PKHD1L1: variants seen among roughly 807,000 people sequenced by gnomAD.
PKHD1L1 encodes PKHD1 like 1.
A neutral mutation model predicts 462.9 loss-of-function variants in PKHD1L1; 434 were observed. That is an observed-to-expected ratio of 0.94 (90% CI 0.87 to 1.02). The LOEUF (loss-of-function observed/expected upper bound fraction) is 1.02, where lower values mean the gene tolerates loss of function less well. Ranked by LOEUF, PKHD1L1 falls within the 50% of genes least tolerant of loss-of-function variation. The pLI is 0.00. For missense variants in PKHD1L1, 5,202 were observed against 5,096.1 expected (o/e 1.02, Z -0.63); for synonymous variants, 1,781 against 1,750.0 (o/e 1.02, Z -0.44).
Position 109,530,002 on chromosome 8 carries a change from A to T in PKHD1L1, c.12722-78A>T. 3.3e-6 allele frequency: 3 copies of T among 910,016 alleles called. No homozygotes were observed. In the South Asian group the frequency reaches 8.6e-5, roughly 26 times the overall value. 56.4% of individuals were successfully genotyped at this position (910,016 alleles called of 1,614,324 possible). A position where few individuals can be genotyped will look rare whatever the true frequency, so the allele number is the denominator to read the frequency against. ...GTACCATAAAAATGAGAAAAGTTAA[A>T]ATTAATGAAATATATTTTAAATTAT... On this transcript the variant is annotated intron_variant, in intron 77 of 77. Transcript: ENST00000378402.
At chr8:109,399,368 C>G (rs1258741339) in intron 12 of PKHD1L1, among the ~76,000 whole-genome samples, 1 of 151,768 alleles carries the variant, frequency 6.6e-6, no homozygotes, top group East Asian at 1.9e-4. Flanking sequence ...TACAGAAAAG[C>G]TTAAGGCTGC....
intron 9 of PKHD1L1, among the ~76,000 whole-genome samples, chr8:109,391,858 AG>A (rs2130486736): frequency 6.6e-6 from 1 of 152,304 alleles, no homozygotes; most frequent in East Asian, 1.9e-4. Context: ...TTGTATTTAG[AG>A]ATCATCTACT....
intron 21 of PKHD1L1, among the ~76,000 whole-genome samples, chr8:109,413,877 G>T (rs937015006): frequency 6.6e-6 from 1 of 151,990 alleles, no homozygotes; most frequent in East Asian, 1.9e-4. Context: ...ATGCTGGAAG[G>T]TAGAAAGAGA....
intron 62 of PKHD1L1, among the ~76,000 whole-genome samples, chr8:109,492,969 A>G (rs1380870412): frequency 6.6e-6 from 1 of 151,726 alleles, no homozygotes; most frequent in Admixed American, 6.6e-5. Flanking sequence ...AAACTAGTCA[A>G]TGTCTCCACT....
chr8:109,483,877 A>G (rs1818394926), intron 57 of PKHD1L1, among the ~76,000 whole-genome samples: 1 of 151,842 alleles, frequency 6.6e-6, no homozygotes, highest in Admixed American at 6.6e-5. Context: ...AATAAAGTAT[A>G]AATGGTAGCA....
rs762138522 is a variant in PKHD1L1 at position 109,491,886 on chromosome 8, G to A, written c.10128G>A (p.Trp3376Ter). 3 of 1,602,678 alleles carry A rather than the reference G, an allele frequency of 1.9e-6. No homozygotes were observed. Among genetic ancestry groups the A allele is most frequent in the Middle Eastern group, 1.7e-4 (1 of 6,008 alleles). ...TTTTTTAAACAGGCATAAGAATATG[G>A]GGGAATGCCAACCGAGTCCGAGGGA... ...HFTVGEGIRI[W>*]GNANRVRGNL... is the part of the protein sequence containing the mutation. The change falls in exon 62 of 78, where the codon TGG (tryptophan) becomes TGA (stop). Residue 3376 changes from tryptophan to a stop codon, truncating the protein, a stop_gained. Coordinates refer to ENST00000378402, the MANE Select transcript of PKHD1L1 (RefSeq NM_177531.6). LOFTEE classifies it high-confidence loss of function.
At chr8:109,476,402 T>C in intron 51 of PKHD1L1, 106 bp from the exon 52 acceptor site, 1 of 800,774 alleles carries the variant, frequency 1.2e-6, no homozygotes, top group Non-Finnish European at 1.8e-6. Context: ...AAGCCAAAAC[T>C]TTTAAATCTT....
chr8:109,373,754 T>C (rs1488019705), intron 2 of PKHD1L1, among the ~76,000 whole-genome samples: 2 of 152,184 alleles, frequency 1.3e-5, no homozygotes, highest in East Asian at 1.9e-4. Context: ...GCCTTCATTT[T>C]ATTATGTCCC....
chr8:109,419,268 G>T lies in PKHD1L1; in HGVS notation c.2524+8G>T, dbSNP rs1367127534. On this transcript the variant is annotated splice_region_variant and intron_variant, in intron 22 of 77. Coordinates refer to ENST00000378402, the MANE Select transcript of PKHD1L1 (RefSeq NM_177531.6). ...CAATCTCAACATTGGATGGTATGTT[G>T]TATCATTTTATCTCTGCTTTAATCT... The T allele has an allele frequency of 1.3e-6, 2 of 1,570,954 alleles. No individual in the cohort carries two copies.
At chr8:109,510,570 A>C (rs2130987352) in intron 70 of PKHD1L1, among the ~76,000 whole-genome samples, 1 of 152,280 alleles carries the variant, frequency 6.6e-6, no homozygotes, top group East Asian at 1.9e-4. Flanking sequence ...TGATAGGAAG[A>C]AGTTTCTTCC....
rs1008602525 is a variant in PKHD1L1, at chr8:109,419,081, A to G, written c.2361-16A>G. ...TACCACTGATCTATACAACAAATTA[A>G]TCAACCGTATTTCAGCTGGACTTAC... On this transcript the variant is annotated splice_polypyrimidine_tract_variant and intron_variant, in intron 21 of 77. Transcript: ENST00000378402. The G allele has an allele frequency of 1.9e-6, 3 of 1,605,316 alleles. No homozygotes were observed. Among genetic ancestry groups the G allele is most frequent in the Non-Finnish European group, 2.6e-6 (3 of 1,174,166 alleles).
chr8:109,457,893 G>T (rs1325660962), intron 46 of PKHD1L1, among the ~76,000 whole-genome samples: 2 of 151,864 alleles, frequency 1.3e-5, no homozygotes, highest in Non-Finnish European at 2.9e-5. Context: ...TTTGCATACC[G>T]CCTGTGAGAT....
chr8:109,432,995 G>T, intron 27 of PKHD1L1, 111 bp from the exon 28 acceptor site: 2 of 794,962 alleles, frequency 2.5e-6, no homozygotes, highest in South Asian at 1.8e-5. Context: ...TAGGCTTATT[G>T]TTTATATCTT....
chr8:109,491,080 A>G lies in PKHD1L1; in HGVS notation c.10093A>G (p.Ile3365Val). 1.2e-6 allele frequency: 2 copies of G among 1,609,076 alleles called. No homozygotes were observed. Among genetic ancestry groups the G allele is most frequent in the African/African-American group, 1.3e-5 (1 of 74,834 alleles). ...TGGATTGGACATAGATGACAACATC[A>G]TTCACTTTACAGTGGGGGAAGGTAA... The part of the protein sequence containing the change: ...TDGLDIDDNI[I>V]HFTVGEGIRI... Residue 3365 changes from isoleucine to valine, a missense_variant, in exon 61 of 78, where the codon ATT becomes GTT. Transcript: ENST00000378402.
At chr8:109,410,730 T>TTTTTTTTTTTTTTTG (rs71305946) in intron 19 of PKHD1L1, among the ~76,000 whole-genome samples, 1 of 63,642 alleles carries the variant, frequency 1.6e-5, no homozygotes. Flanking sequence ...CTTTTTCTTT[T>TTTTTTTTTTTTTTTG]TTTTTTTTTT....
In PKHD1L1 at chr8:109,479,536, C is replaced by G; in HGVS notation, c.9090-15C>G. 7.0e-7 allele frequency: 1 copy of G among 1,429,538 alleles called. No individual in the cohort carries two copies. Among genetic ancestry groups the G allele is most frequent in the Admixed American group, 1.9e-5 (1 of 51,702 alleles). The allele number at this position is 1,429,538 out of a possible 1,614,324, so 88.6% of individuals were successfully genotyped here. A position where few individuals can be genotyped will look rare whatever the true frequency, so the allele number is the denominator to read the frequency against. ...CAAGTAGTAATTCATGGAAGTATTT[C>G]TCTTCTCTTTTCAGTTTATGGTCAA... is the stretch of plus-strand genomic sequence containing the variant. On this transcript the variant is annotated splice_polypyrimidine_tract_variant and intron_variant, in intron 53 of 77. Transcript: ENST00000378402.
chr8:109,407,082 A>T (rs890721534), intron 17 of PKHD1L1, among the ~76,000 whole-genome samples: 29 of 152,188 alleles, frequency 1.9e-4, no homozygotes, highest in Non-Finnish European at 1.6e-4. Flanking sequence ...TTCTGCCTTC[A>T]AGTCAGACTT....
In PKHD1L1 at chr8:109,409,952, A is replaced by G; in HGVS notation, c.2059A>G (p.Arg687Gly). The G allele has an allele frequency of 6.3e-7, 1 of 1,595,424 alleles. No individual in the cohort carries two copies. Among genetic ancestry groups the G allele is most frequent in the Non-Finnish European group, 8.6e-7 (1 of 1,169,104 alleles). Residue 687 changes from arginine to glycine, a missense_variant, in exon 19 of 78, where the codon AGA becomes GGA. Arg to Gly is a moderately radical substitution (Grantham distance 125). Transcript: ENST00000378402. ...AGAAGGATTTGTTGTGAAATATTTC[A>G]GAGACTATGAAACTGATTTTAATCT... ...FEEGFVVKYF[R>G]DYETDFNLEH... is the part of the protein sequence containing the mutation.
At chr8:109,433,464 T>C (rs547466114) in intron 28 of PKHD1L1, among the ~76,000 whole-genome samples, 22 of 152,228 alleles carry the variant, frequency 1.4e-4, no homozygotes, top group African/African-American at 4.1e-4. Flanking sequence ...TTATCCTTTT[T>C]CCCCCCTTCA....
Sources: gnomAD v4.1 joint callset for allele counts (sites outside exome capture counted in the v4.1 genomes callset) on GRCh38, gnomAD v4.1.1 for gene constraint, MANE v1.5 for transcripts, NCBI Gene and HGNC (gene_info 2026-07-23, HGNC 2026-07-21) for gene names.